KCND3: variants seen among roughly 807,000 people sequenced by gnomAD.
The protein encoded by KCND3 is A-type voltage-gated potassium channel KCND3.
A neutral mutation model predicts 51.1 loss-of-function variants in KCND3; 9 were observed. That is an observed-to-expected ratio of 0.18 (90% confidence interval 0.11 to 0.31). KCND3 has a LOEUF of 0.31. Among genes scored for constraint, KCND3 ranks in the 10% least tolerant of loss-of-function variants. The pLI is 1.00. For synonymous variants in KCND3, 349 were observed against 368.0 expected, an observed-to-expected ratio of 0.95 and a Z score of 0.59; for missense variants, 526 against 903.8, an observed-to-expected ratio of 0.58 and a Z score of 5.36.
At chr1:111,814,178 G>A (rs1665978855) in intron 2 of KCND3, among the ~76,000 whole-genome samples, 1 of 152,222 alleles carries the variant, frequency 6.6e-6, no homozygotes, top group South Asian at 2.1e-4. Flanking sequence ...CATATGCTAC[G>A]TGCCGGGCAT....
intron 2 of KCND3, among the ~76,000 whole-genome samples, chr1:111,865,035 G>A (rs980152485): frequency 3.3e-5 from 5 of 152,286 alleles, no homozygotes; most frequent in South Asian, 2.1e-4. Context: ...CCAGACATTC[G>A]GCAACCCAAT....
chr1:111,976,129 T>TA (rs1208611821), intron 2 of KCND3, among the ~76,000 whole-genome samples: 1 of 152,222 alleles, frequency 6.6e-6, no homozygotes, highest in African/African-American at 2.4e-5. Flanking sequence ...TTCTCTGCTG[T>TA]ATTCCCAGTG....
Position 111,974,400 on chromosome 1 carries a change from A to G in KCND3, c.1106+7221T>C, listed in dbSNP as rs569313001. On this transcript the variant is annotated intron_variant, in intron 2 of 7. Transcript: ENST00000302127. ...AAAAAAAAAAAACTTGGACATCACT[A>G]GAGGATGAACACTTAAGGTATGAGT... Among the ~76,000 whole-genome samples, 7 of 151,510 alleles carry G rather than the reference A, an allele frequency of 4.6e-5. No individual in the cohort carries two copies. In the East Asian group the frequency reaches 9.7e-4, roughly 21 times the overall value.
intron 2 of KCND3, among the ~76,000 whole-genome samples, chr1:111,830,754 A>T (rs1340665844): frequency 6.6e-6 from 1 of 152,244 alleles, no homozygotes; most frequent in African/African-American, 2.4e-5. Context: ...AGGTTTTTTA[A>T]ATTTTGGAAA....
intron 2 of KCND3, among the ~76,000 whole-genome samples, chr1:111,924,673 G>A (rs1000292204): frequency 6.6e-6 from 1 of 152,218 alleles, no homozygotes; most frequent in Admixed American, 6.5e-5. Flanking sequence ...AGTTTAGGAG[G>A]AGCAGAGGTC....
chr1:111,787,870 T>C (rs1664674025), intron 2 of KCND3, among the ~76,000 whole-genome samples: 1 of 152,220 alleles, frequency 6.6e-6, no homozygotes, highest in Non-Finnish European at 1.5e-5. Context: ...ATGCAGGAAC[T>C]GAGGCTGAGA....
intron 2 of KCND3, among the ~76,000 whole-genome samples, chr1:111,807,873 T>C (rs1350318550): frequency 6.6e-6 from 1 of 152,294 alleles, no homozygotes. Context: ...CATGGCTGTA[T>C]TGGAAGTATC....
chr1:111,872,781 C>T (rs1309435893), intron 2 of KCND3, among the ~76,000 whole-genome samples: 1 of 152,094 alleles, frequency 6.6e-6, no homozygotes, highest in Non-Finnish European at 1.5e-5. Context: ...CACTTCAGGC[C>T]CTTTAAGTTG....
chr1:111,799,956 G>A (rs1046522267), intron 2 of KCND3, among the ~76,000 whole-genome samples: 2 of 152,116 alleles, frequency 1.3e-5, no homozygotes, highest in Non-Finnish European at 2.9e-5. Flanking sequence ...CGCCCCGTCC[G>A]GGAGGTGAGG....
intron 2 of KCND3, among the ~76,000 whole-genome samples, chr1:111,936,457 A>G (rs1469228369): frequency 6.6e-6 from 1 of 152,226 alleles, no homozygotes; most frequent in African/African-American, 2.4e-5. Context: ...CACAGTGACC[A>G]GAGAGGAAGG....
At chr1:111,909,593 AG>A (rs1670834531) in intron 2 of KCND3, 1 of 152,238 alleles carries the variant, frequency 6.6e-6, no homozygotes, top group African/African-American at 2.4e-5. Context: ...GGTGCCGAGA[AG>A]GGCCAAAGAT....
intron 2 of KCND3, among the ~76,000 whole-genome samples, chr1:111,947,752 A>G (rs1442130917): frequency 6.6e-6 from 1 of 152,228 alleles, no homozygotes; most frequent in African/African-American, 2.4e-5. Context: ...GTATTCTCAT[A>G]ATGGCTAAAA....
chr1:111,850,673 G>T (rs1379606639), intron 2 of KCND3, among the ~76,000 whole-genome samples: 1 of 152,144 alleles, frequency 6.6e-6, no homozygotes, highest in Admixed American at 6.5e-5. Context: ...TGGCCACTGG[G>T]GACCACTGCA....
chr1:111,943,799 A>G (rs920459627), intron 2 of KCND3, among the ~76,000 whole-genome samples: 1 of 152,128 alleles, frequency 6.6e-6, no homozygotes, highest in African/African-American at 2.4e-5. Flanking sequence ...GACAGGCATT[A>G]TTCACCCCAT....
At chr1:111,893,505 G>A in intron 2 of KCND3, among the ~76,000 whole-genome samples, 1 of 152,162 alleles carries the variant, frequency 6.6e-6, no homozygotes, top group East Asian at 1.9e-4. Context: ...AGAAGGTGGG[G>A]AATATTTTTG....
At chr1:111,880,824 G>A (rs1669267105) in intron 2 of KCND3, among the ~76,000 whole-genome samples, 1 of 152,094 alleles carries the variant, frequency 6.6e-6, no homozygotes. Context: ...CTTGGAAATT[G>A]CTTTCCCACT....
intron 2 of KCND3, among the ~76,000 whole-genome samples, chr1:111,885,634 T>C (rs886176432): frequency 6.6e-6 from 1 of 151,842 alleles, no homozygotes; most frequent in African/African-American, 2.4e-5. Context: ...GAGAAACAAG[T>C]GTGGTACGGG....
intron 2 of KCND3, among the ~76,000 whole-genome samples, chr1:111,953,150 A>G (rs1174555782): frequency 6.6e-6 from 1 of 152,044 alleles, no homozygotes; most frequent in African/African-American, 2.4e-5. Flanking sequence ...TCAGTTTCAG[A>G]TGAGGCTGTA....
rs1484472320 is a variant in KCND3, at chr1:111,771,781, T to C, written c.*4296A>G. The C allele has an allele frequency of 6.6e-6, 1 of 152,246 alleles. No homozygotes were observed. The highest frequency in any genetic ancestry group is 2.4e-5 in the African/African-American group (1 of 41,466). 9.4% of individuals were successfully genotyped at this position (152,246 alleles called of 1,614,324 possible). A position where few individuals can be genotyped will look rare whatever the true frequency, so the allele number is the denominator to read the frequency against. On this transcript the variant is annotated 3_prime_UTR_variant, in exon 8 of 8. Transcript: ENST00000302127. ...AAGTTCTGTTCAAATTCTGTGTGAT[T>C]GTAAACTAATGTGTTCAACTGTCAC...
Sources: gnomAD v4.1 joint callset for allele counts (sites outside exome capture counted in the v4.1 genomes callset) on GRCh38, gnomAD v4.1.1 for gene constraint, MANE v1.5 for transcripts, NCBI Gene and HGNC (gene_info 2026-07-23, HGNC 2026-07-21) for gene names.